The following DSCAML1 variants were observed in gnomAD, a reference collection of about 807,000 sequenced individuals.
DSCAML1 encodes DS cell adhesion molecule like 1, also known as cell adhesion molecule DSCAML1.
DSCAML1 carries 38 observed loss-of-function variants against 200.5 expected under a neutral mutation model. The ratio of observed to expected loss-of-function variants is 0.19; its 90% CI spans 0.15 to 0.25. The LOEUF (loss-of-function observed/expected upper bound fraction) is 0.25. Ranked by LOEUF, DSCAML1 falls within the 10% of genes least tolerant of loss-of-function variation. DSCAML1 has a pLI of 1.00. For missense variants in DSCAML1, 2,223 were observed against 2,858.8 expected (o/e 0.78, Z 5.07); for synonymous variants, 1,215 against 1,165.0 (o/e 1.04, Z -0.87).
At chr11:117,522,549 C>T (rs1201677054) in intron 5 of DSCAML1, among the ~76,000 whole-genome samples, 2 of 152,224 alleles carry the variant, frequency 1.3e-5, no homozygotes, top group African/African-American at 4.8e-5. Context: ...AGGAAGCCTG[C>T]AGGAGAGAGG....
At chr11:117,502,204 TCA>T (rs2049407932) in intron 11 of DSCAML1, among the ~76,000 whole-genome samples, 1 of 152,088 alleles carries the variant, frequency 6.6e-6, no homozygotes, top group Admixed American at 6.5e-5. Flanking sequence ...TGGGGTCCCC[TCA>T]CACACAGCCC....
At chr11:117,782,454 A>G (rs1463168026) in intron 1 of DSCAML1, among the ~76,000 whole-genome samples, 1 of 152,148 alleles carries the variant, frequency 6.6e-6, no homozygotes, top group African/African-American at 2.4e-5. Context: ...TGGAGAGGGG[A>G]GCCACATGGC....
chr11:117,534,996 C>CCCTCCCTCCCTCCTTTCTTT lies in DSCAML1; in HGVS notation c.512-2494_512-2475dup, dbSNP rs374631484. On this transcript the variant is annotated intron_variant, in intron 3 of 32. Transcript: ENST00000651296. ...TTGGTTTATCTACAATTCCAATTGC[C>CCCTCCCTCCCTCCTTTCTTT]CCTCCCTCCCTCCTTTCTTTCCTCC... Among the ~76,000 whole-genome samples, 743 of 152,158 alleles carry CCCTCCCTCCCTCCTTTCTTT rather than the reference C, an allele frequency of 4.9e-3. 5 individuals carry two copies. The highest frequency in any genetic ancestry group is 0.017 in the African/African-American group (712 of 41,474).
intron 3 of DSCAML1, among the ~76,000 whole-genome samples, chr11:117,567,186 G>T (rs1449784992): frequency 1.3e-5 from 2 of 152,336 alleles, no homozygotes; most frequent in African/African-American, 4.8e-5. Context: ...CTAGTTTACG[G>T]TCCCACTAAC....
At chr11:117,438,321 C>T (rs954850720) in intron 24 of DSCAML1, among the ~76,000 whole-genome samples, 6 of 61,018 alleles carry the variant, frequency 9.8e-5, no homozygotes, top group African/African-American at 1.1e-4. Flanking sequence ...CAGCCCCCGG[C>T]GGGTCTGACG....
At chr11:117,482,986 C>T (rs1015868354) in intron 11 of DSCAML1, among the ~76,000 whole-genome samples, 1 of 152,230 alleles carries the variant, frequency 6.6e-6, no homozygotes, top group Non-Finnish European at 1.5e-5. Context: ...GTAAGATCCA[C>T]AAGCAGTGCT....
At chr11:117,716,471 G>A (rs4938431) in intron 3 of DSCAML1, among the ~76,000 whole-genome samples, 143,554 of 152,262 alleles carry the variant, frequency 0.94, 67,989 homozygotes, top group South Asian at 0.99. Flanking sequence ...TACCCCCAGC[G>A]GTACTGTCCC....
At position 117,433,038 on chromosome 11, in the gene DSCAML1, C is replaced by T. The variant is rs555033370; in HGVS notation, c.5026+100G>A. The T allele has an allele frequency of 1.8e-5, 19 of 1,034,782 alleles. No homozygotes were observed. In the Admixed American group the frequency reaches 3.7e-4, roughly 20 times the overall value. The allele number at this position is 1,034,782 out of a possible 1,614,324, so 64.1% of individuals were successfully genotyped here. ...GTGGTTGATGGGGCTACTGCCAGAA[C>T]CCTGGGCACTGCCATGAGGGTTGGT... On this transcript the variant is annotated intron_variant, in intron 29 of 32. Coordinates refer to ENST00000651296, the MANE Select transcript of DSCAML1 (RefSeq NM_020693.4).
At chr11:117,497,085 C>T (rs556590451) in intron 11 of DSCAML1, among the ~76,000 whole-genome samples, 5 of 152,134 alleles carry the variant, frequency 3.3e-5, no homozygotes, top group African/African-American at 4.8e-5. Context: ...CTGGAACTGG[C>T]GACACATGCC....
At chr11:117,651,563 T>G (rs1041670937) in intron 3 of DSCAML1, among the ~76,000 whole-genome samples, 1 of 149,844 alleles carries the variant, frequency 6.7e-6, no homozygotes, top group African/African-American at 2.5e-5. Context: ...AAAAAAAAAA[T>G]TAGCCGGCCG....
At chr11:117,557,385 C>T (rs1353810017) in intron 3 of DSCAML1, among the ~76,000 whole-genome samples, 1 of 152,158 alleles carries the variant, frequency 6.6e-6, no homozygotes, top group Non-Finnish European at 1.5e-5. Flanking sequence ...TCTTCTGTGC[C>T]TTTGAAGAGC....
chr11:117,545,225 G>A (rs1312090587), intron 3 of DSCAML1, among the ~76,000 whole-genome samples: 30 of 121,730 alleles, frequency 2.5e-4, no homozygotes, highest in African/African-American at 9.0e-4. Flanking sequence ...GCAAGATTCC[G>A]TAAAAAAAAA....
At chr11:117,455,848 T>A (rs60357300) in intron 19 of DSCAML1, among the ~76,000 whole-genome samples, 84,963 of 151,218 alleles carry the variant, frequency 0.56, 23,977 homozygotes, top group African/African-American at 0.6. Context: ...CTGGGGTGGT[T>A]GTGGAGGACA....
chr11:117,700,564 G>A (rs1417196145), intron 3 of DSCAML1, among the ~76,000 whole-genome samples: 1 of 152,228 alleles, frequency 6.6e-6, no homozygotes, highest in Admixed American at 6.5e-5. Context: ...CGTGAGGCCA[G>A]CTAGCTAGTG....
Position 117,461,608 on chromosome 11 carries a change from A to G in DSCAML1, c.3266-12T>C, listed in dbSNP as rs751476979. The G allele has an allele frequency of 3.4e-5, 55 of 1,608,320 alleles. No individual in the cohort carries two copies. The highest frequency in any genetic ancestry group is 4.5e-5 in the Non-Finnish European group (53 of 1,179,294). Reference sequence around the variant, plus strand: ...GGGCTGGCTGGGCACTGCAGGGGGTAGGGGGAGAACCAAGGGTCCAGTCAG... The same window carrying G: ...GGGCTGGCTGGGCACTGCAGGGGGTGGGGGGAGAACCAAGGGTCCAGTCAG... On this transcript the variant is annotated splice_polypyrimidine_tract_variant and intron_variant, in intron 17 of 32. Transcript: ENST00000651296.
chr11:117,541,176 C>G (rs1043085583), intron 3 of DSCAML1, among the ~76,000 whole-genome samples: 1 of 152,194 alleles, frequency 6.6e-6, no homozygotes, highest in Non-Finnish European at 1.5e-5. Context: ...AATGCTTTTT[C>G]CTTGACTTAC....
rs2055589728 is a variant in DSCAML1, at chr11:117,796,924, C to T, written c.46+110G>A. ...TGCGCCCCACCCGGGGCCTTGCACC[C>T]CGGTCGGTTCCCCCACGCACCTGGA... On this transcript the variant is annotated intron_variant, in intron 1 of 32. Coordinates refer to ENST00000651296, the MANE Select transcript of DSCAML1 (RefSeq NM_020693.4). 1.0e-5 allele frequency: 8 copies of T among 780,722 alleles called. No individual in the cohort carries two copies. The South Asian group carries it at 4.0e-4, about 39-fold the overall frequency. The allele number at this position is 780,722 out of a possible 1,614,324, so 48.4% of individuals were successfully genotyped here. A position where few individuals can be genotyped will look rare whatever the true frequency, so the allele number is the denominator to read the frequency against.
chr11:117,672,906 TAAA>T (rs1011222206), intron 3 of DSCAML1, among the ~76,000 whole-genome samples: 29 of 152,300 alleles, frequency 1.9e-4, no homozygotes, highest in African/African-American at 6.7e-4. Flanking sequence ...GTGGAGGAAG[TAAA>T]ACATTTGGGT....
intron 3 of DSCAML1, among the ~76,000 whole-genome samples, chr11:117,682,769 G>GT (rs1271877223): frequency 2.0e-5 from 3 of 152,176 alleles, no homozygotes; most frequent in Non-Finnish European, 4.4e-5. Context: ...ACAGAGACAG[G>GT]TACATGACTC....
Sources: gnomAD v4.1 joint callset for allele counts (sites outside exome capture counted in the v4.1 genomes callset) on GRCh38, gnomAD v4.1.1 for gene constraint, MANE v1.5 for transcripts, NCBI Gene and HGNC (gene_info 2026-07-23, HGNC 2026-07-21) for gene names.